The following M1AP variants were observed in gnomAD, a reference collection of about 807,000 sequenced individuals.
M1AP encodes meiosis 1 arrest protein.
A neutral mutation model predicts 51.2 loss-of-function variants in M1AP; 39 were observed. The ratio of observed to expected loss-of-function variants is 0.76; its 90% CI spans 0.59 to 1.00. The LOEUF (loss-of-function observed/expected upper bound fraction) is 1.00, where lower values mean the gene tolerates loss of function less well. Ranked by LOEUF, M1AP falls within the 50% of genes least tolerant of loss-of-function variation. The pLI, the probability that M1AP is intolerant of heterozygous loss-of-function variation, is 0.00. For synonymous variants in M1AP, 251 were observed against 249.2 expected (o/e 1.01, Z -0.07); for missense variants, 545 against 641.2 (o/e 0.85, Z 1.62).
intron 8 of M1AP, 98 bp from the exon 9 acceptor site, chr2:74,560,389 G>A: frequency 7.7e-7 from 1 of 1,304,516 alleles, no homozygotes; most frequent in South Asian, 1.5e-5. Context: ...TGGAGGAAGT[G>A]TGAAACCCCA....
chr2:74,573,392 G>T (rs368088287), intron 7 of M1AP, among the ~76,000 whole-genome samples: 1 of 151,732 alleles, frequency 6.6e-6, no homozygotes, highest in Non-Finnish European at 1.5e-5. Flanking sequence ...TTGCTCTGTC[G>T]CCCAGGCTGG....
chr2:74,560,241 A>G lies in M1AP; in HGVS notation c.1332T>C (p.Val444=), dbSNP rs1194922471. 1.2e-6 allele frequency: 2 copies of G among 1,613,694 alleles called. No individual in the cohort carries two copies. Among genetic ancestry groups the G allele is most frequent in the Non-Finnish European group, 1.7e-6 (2 of 1,179,842 alleles). The change falls in exon 9 of 11, where the codon GTT becomes GTC. Residue 444 remains valine (V), a synonymous_variant. Coordinates refer to ENST00000421985, the MANE Select transcript of M1AP (RefSeq NM_001321739.2). ...TCAGGTGTGAGTACAGGTGGCTTTGAACATGCAAGGGGTTGTAGGTGGGCT... is the reference window on the plus strand; with the variant it reads ...TCAGGTGTGAGTACAGGTGGCTTTGGACATGCAAGGGGTTGTAGGTGGGCT... ...ELEPTYNPLH[V]QSHLYSHLSS...
At chr2:74,585,488 T>C (rs1390815524) in intron 4 of M1AP, among the ~76,000 whole-genome samples, 1 of 152,222 alleles carries the variant, frequency 6.6e-6, no homozygotes, top group Non-Finnish European at 1.5e-5. Flanking sequence ...AAGGAAAATG[T>C]CATGTGGTTA....
chr2:74,593,687 A>G (rs377638375), intron 4 of M1AP, among the ~76,000 whole-genome samples: 4 of 152,164 alleles, frequency 2.6e-5, no homozygotes, highest in African/African-American at 7.2e-5. Flanking sequence ...GGCCTGAACA[A>G]TATTTAAAAA....
intron 5 of M1AP, 35 bp downstream of exon 5, chr2:74,581,639 A>T: frequency 6.3e-7 from 1 of 1,595,588 alleles, no homozygotes; most frequent in Non-Finnish European, 8.6e-7. Context: ...AGATAAGAAT[A>T]ATCATAGCCT....
intron 4 of M1AP, among the ~76,000 whole-genome samples, chr2:74,598,339 G>A (rs2077600): frequency 0.16 from 24,761 of 151,872 alleles, 3,421 homozygotes; most frequent in East Asian, 0.8. Context: ...CCGAGACTGC[G>A]CCACCGCACT....
chr2:74,619,136 C>A, intron 2 of M1AP: 1 of 280,214 alleles, frequency 3.6e-6, no homozygotes, highest in South Asian at 3.6e-5. Context: ...GGTTCCAGGT[C>A]CTTCAGCTAA....
chr2:74,561,267 GAAA>G (rs1281900307), intron 8 of M1AP, among the ~76,000 whole-genome samples: 1 of 147,728 alleles, frequency 6.8e-6, no homozygotes, highest in Non-Finnish European at 1.5e-5. Context: ...AGGAGAAGAA[GAAA>G]AAGAAGGAGG....
chr2:74,604,832 C>A, intron 4 of M1AP, among the ~76,000 whole-genome samples: 1 of 152,118 alleles, frequency 6.6e-6, no homozygotes, highest in East Asian at 1.9e-4. Flanking sequence ...CATTAAGGTA[C>A]AGAGTGACTG....
intron 3 of M1AP, among the ~76,000 whole-genome samples, chr2:74,608,062 A>G (rs1681122219): frequency 6.6e-6 from 1 of 152,176 alleles, no homozygotes; most frequent in Non-Finnish European, 1.5e-5. Flanking sequence ...ATTGCAATTG[A>G]TGAACCTATA....
intron 4 of M1AP, among the ~76,000 whole-genome samples, chr2:74,582,292 C>T (rs546789000): frequency 6.6e-6 from 1 of 152,246 alleles, no homozygotes; most frequent in East Asian, 1.9e-4. Flanking sequence ...GACATCTAGC[C>T]TAGAGACATT....
chr2:74,571,985 G>A (rs548109374), intron 7 of M1AP, among the ~76,000 whole-genome samples: 171 of 145,136 alleles, frequency 1.2e-3, no homozygotes, highest in African/African-American at 3.5e-3. Context: ...CAACAAGAGC[G>A]AAACTCCGTC....
chr2:74,628,185 T>A (rs1482674854), intron 2 of M1AP: 1 of 200,356 alleles, frequency 5.0e-6, no homozygotes, highest in East Asian at 1.6e-4. Flanking sequence ...CTACTTTTCC[T>A]TTTTATAAAT....
rs756749449 is a variant in M1AP, at chr2:74,640,181, G to A, written c.95C>T (p.Pro32Leu). The stretch of plus-strand genomic sequence containing the variant: ...GTTGGTGCAGATGTCAGCCCAGGAC[G>A]GTAGAGCAATGTGCACAATGAGAAG... ...PRLLIVHIALPSWADICTNLC... is the reference protein window; with the variant it reads ...PRLLIVHIALLSWADICTNLC... Residue 32 changes from proline (P) to leucine (L), a missense_variant, in exon 2 of 11, where the codon CCG (proline) becomes CTG (leucine). Coordinates refer to ENST00000421985, the MANE Select transcript of M1AP (RefSeq NM_001321739.2). The A allele has an allele frequency of 6.8e-6, 11 of 1,614,022 alleles. No homozygotes were observed. Among genetic ancestry groups the A allele is most frequent in the Admixed American group, 1.7e-5 (1 of 60,006 alleles).
chr2:74,587,008 A>C (rs1679746645), intron 4 of M1AP, among the ~76,000 whole-genome samples: 3 of 152,034 alleles, frequency 2.0e-5, no homozygotes, highest in African/African-American at 7.3e-5. Flanking sequence ...ATTTCAAAAA[A>C]AAAAAAAAAA....
chr2:74,600,275 A>C (rs983098909), intron 4 of M1AP, among the ~76,000 whole-genome samples: 1 of 152,246 alleles, frequency 6.6e-6, no homozygotes. Flanking sequence ...ACTATTTAGA[A>C]CAGAAAGTAT....
intron 1 of M1AP, chr2:74,647,892 C>T (rs966165666): frequency 1.1e-5 from 5 of 468,306 alleles, no homozygotes; most frequent in Non-Finnish European, 1.4e-5. Context: ...GAAACTCCGT[C>T]TCAAAAACAA....
In M1AP at chr2:74,608,336, T is replaced by C. The variant is rs566083062; in HGVS notation, c.427-1113A>G. On this transcript the variant is annotated intron_variant, in intron 3 of 10. Transcript: ENST00000421985. ...AGAATGTCATATAGTTGGGGATATA[T>C]ATGCAGCCTTTTCAAATTGGCTTCT... Among the ~76,000 whole-genome samples, 14 of 152,346 alleles carry C rather than the reference T, an allele frequency of 9.2e-5. 1 individual carries two copies. The highest frequency in any genetic ancestry group is 3.1e-4 in the African/African-American group (13 of 41,598).
chr2:74,611,792 A>G (rs140139283), intron 3 of M1AP, among the ~76,000 whole-genome samples: 1,659 of 148,838 alleles, frequency 0.011, 20 homozygotes, highest in African/African-American at 0.025. Flanking sequence ...AGATTACGCC[A>G]TTGCACTCCA....
Sources: allele counts gnomAD v4.1 joint callset (sites outside exome capture counted in the v4.1 genomes callset), GRCh38; gene constraint gnomAD v4.1.1; transcripts MANE v1.5; gene names NCBI Gene and HGNC (gene_info 2026-07-23, HGNC 2026-07-21).